Variants in SDHD observed in about 807,000 individuals in gnomAD.
SDHD encodes succinate dehydrogenase [ubiquinone] cytochrome b small subunit, mitochondrial.
SDHD carries 6 observed loss-of-function variants against 18.7 expected under a neutral mutation model. The observed-to-expected ratio is 0.32, with a 90% CI of 0.18 to 0.63. The LOEUF is 0.63. Among genes scored for constraint, SDHD ranks in the 30% least tolerant of loss-of-function variants. SDHD has a pLI of 0.79. For missense variants in SDHD, 160 were observed against 192.7 expected, an observed-to-expected ratio of 0.83 and a Z score of 1.00; for synonymous variants, 56 against 73.9, an observed-to-expected ratio of 0.76 and a Z score of 1.24.
At position 112,095,153 on chromosome 11, in the gene SDHD, T is replaced by C. The variant is rs201804464; in HGVS notation, c.*183T>C. 2 of 643,348 alleles carry C rather than the reference T, an allele frequency of 3.1e-6. No homozygotes were observed. Among genetic ancestry groups the C allele is most frequent in the Admixed American group, 2.3e-5 (1 of 42,840 alleles). The allele number at this position is 643,348 out of a possible 1,614,324, so 39.9% of individuals were successfully genotyped here. On this transcript the variant is annotated 3_prime_UTR_variant, in exon 4 of 4. Transcript: ENST00000375549. ...AGGAAAAGGTTTGAGAGGAATTATA[T>C]CTAAGTTGTGAGACTGAGTTCTATA...
rs750857413 is a variant in SDHD at position 112,094,843 on chromosome 11, A to G, written c.353A>G (p.Asp118Gly). The G allele has an allele frequency of 3.1e-6, 5 of 1,611,796 alleles. No homozygotes were observed. In the East Asian group the frequency reaches 8.9e-5, roughly 29 times the overall value. The part of the protein sequence containing the change: ...GQVVTDYVHG[D>G]ALQKAAKAGL... ...GTTGTTACTGACTATGTTCATGGGG[A>G]TGCCTTGCAGAAAGCTGCCAAGGCA... is the stretch of plus-strand genomic sequence containing the variant. The change falls in exon 4 of 4, where the codon GAT (aspartate) becomes GGT (glycine). Residue 118 changes from aspartate (D) to glycine (G), a missense_variant. Coordinates refer to ENST00000375549, the MANE Select transcript of SDHD (RefSeq NM_003002.4).
At position 112,095,757 on chromosome 11, in the gene SDHD, TAAAA is replaced by T. The variant is rs1865831754; in HGVS notation, c.*788_*791del. ...ATTCTATGAAAATAATTTTTTTAAA[TAAAA>T]TGTTATATAATAAAAGTGTCTTCTA... On this transcript the variant is annotated 3_prime_UTR_variant, in exon 4 of 4. Transcript: ENST00000375549. The T allele has an allele frequency of 4.8e-6, 1 of 207,794 alleles. No individual in the cohort carries two copies. The highest frequency in any genetic ancestry group is 1.9e-4 in the South Asian group (1 of 5,324). 12.9% of individuals were successfully genotyped at this position (207,794 alleles called of 1,614,324 possible).
In SDHD at chr11:112,086,896, C is replaced by G. The variant is rs199955367; in HGVS notation, c.-12C>G. ...CCGGGTTGGTGGATGACCTTGAGCC[C>G]TCAGGAACGAGATGGCGGTTCTCTG... On this transcript the variant is annotated 5_prime_UTR_variant, in exon 1 of 4. Transcript: ENST00000375549. 8 of 1,614,196 alleles carry G rather than the reference C, an allele frequency of 5.0e-6. No individual in the cohort carries two copies. The East Asian group carries it at 1.6e-4, about 31-fold the overall frequency.
rs575947347 is a variant in SDHD, at chr11:112,094,397, C to CAATA, written c.315-383_315-380dup. ...TGGGCAAAAGAGCGAGACTCTGTCT[C>CAATA]AATAAATAAATAAATAAATAAATAA... On this transcript the variant is annotated intron_variant, in intron 3 of 3. Transcript: ENST00000375549. Among the ~76,000 whole-genome samples, 446 of 150,990 alleles carry CAATA rather than the reference C, an allele frequency of 3.0e-3. 1 individual carries two copies. The highest frequency in any genetic ancestry group is 0.014 in the Middle Eastern group (4 of 292).
At position 112,095,618 on chromosome 11, in the gene SDHD, A is replaced by G. The variant is rs201560447; in HGVS notation, c.*648A>G. On this transcript the variant is annotated 3_prime_UTR_variant, in exon 4 of 4. Coordinates refer to ENST00000375549, the MANE Select transcript of SDHD (RefSeq NM_003002.4). ...TCAAAATACTACCAACTGTAAATTG[A>G]GATTTAATTCCCAAATGTATTCTAC... The G allele has an allele frequency of 3.1e-5, 7 of 228,446 alleles. No homozygotes were observed. The South Asian group carries it at 1.1e-3, about 36-fold the overall frequency. The allele number at this position is 228,446 out of a possible 1,614,324, so 14.2% of individuals were successfully genotyped here. A position where few individuals can be genotyped will look rare whatever the true frequency, so the allele number is the denominator to read the frequency against.
intron 3 of SDHD, among the ~76,000 whole-genome samples, 187 bp from the exon 4 acceptor site, chr11:112,094,618 T>G (rs1036584256): frequency 6.6e-6 from 1 of 152,082 alleles, no homozygotes. Flanking sequence ...AGAAATAGAC[T>G]TACTGACATA....
At chr11:112,092,495 A>G in intron 3 of SDHD, among the ~76,000 whole-genome samples, 1 of 152,180 alleles carries the variant, frequency 6.6e-6, no homozygotes, top group South Asian at 2.1e-4. Flanking sequence ...AGATATACAA[A>G]TGGCCAATAA....
At chr11:112,087,084 T>A in intron 1 of SDHD, 125 bp downstream of exon 1, 2 of 1,074,960 alleles carry the variant, frequency 1.9e-6, no homozygotes, top group Non-Finnish European at 2.8e-6. Flanking sequence ...ATCACAGCAA[T>A]GACCACTGTA....
At chr11:112,090,339 G>C (rs1592782029) in intron 3 of SDHD, among the ~76,000 whole-genome samples, 1 of 75,050 alleles carries the variant, frequency 1.3e-5, no homozygotes. Flanking sequence ...TGGAACTCCT[G>C]ACCTCAGGTG....
chr11:112,088,675 A>C (rs1049039919), intron 2 of SDHD, 192 bp from the exon 3 acceptor site: 1 of 674,320 alleles, frequency 1.5e-6, no homozygotes, highest in Non-Finnish European at 2.6e-6. Context: ...GACTTCAAAA[A>C]ACAGAGATAA....
In SDHD at chr11:112,094,969, G is replaced by A. The variant is rs201372601; in HGVS notation, c.479G>A (p.Ter160=). ...GCTGTTGCCATGCTGTGGAAGCTCT[G>A]ACCTTTTTGACTTCATACTTTGAAG... The part of the protein sequence containing the change: ...CKAVAMLWKL[*] The change falls in exon 4 of 4, where the codon TGA becomes TAA. Residue 160 remains the stop codon, a stop_retained_variant. Transcript: ENST00000375549. 4 of 1,610,618 alleles carry A rather than the reference G, an allele frequency of 2.5e-6. No homozygotes were observed. The highest frequency in any genetic ancestry group is 2.7e-5 in the African/African-American group (2 of 74,956).
At chr11:112,093,402 G>A (rs555541197) in intron 3 of SDHD, among the ~76,000 whole-genome samples, 4 of 152,198 alleles carry the variant, frequency 2.6e-5, no homozygotes, top group African/African-American at 7.2e-5. Context: ...TCTAGAACAG[G>A]CAAAGCCATA....
intron 3 of SDHD, 73 bp downstream of exon 3, chr11:112,089,084 T>A: frequency 6.5e-7 from 1 of 1,549,442 alleles, no homozygotes; most frequent in Non-Finnish European, 8.9e-7. Flanking sequence ...GTATTATATA[T>A]GAGGGAGAAG....
intron 3 of SDHD, among the ~76,000 whole-genome samples, chr11:112,092,256 G>GA (rs112699278): frequency 2.2e-4 from 29 of 129,682 alleles, no homozygotes; most frequent in Admixed American, 6.2e-4. Flanking sequence ...AGTAAAAGAA[G>GA]AAAAAAAAAA....
intron 1 of SDHD, 97 bp downstream of exon 1, chr11:112,087,056 G>A: frequency 2.2e-6 from 3 of 1,389,670 alleles, no homozygotes; most frequent in Admixed American, 3.6e-5. Context: ...GATCTCTTGA[G>A]GAGAAGAAAA....
rs755047928 is a variant in SDHD at position 112,088,906 on chromosome 11, G to A, written c.209G>A (p.Arg70Lys). Residue 70 changes from arginine (R) to lysine (K), a missense_variant, in exon 3 of 4, where the codon AGG becomes AAG. Transcript: ENST00000375549. ...GCATCTCTCCACTGGACTAGCGAGA[G>A]GGTTGTCAGTGTTTTGCTCCTGGGT... ...KAASLHWTSE[R>K]VVSVLLLGLL... 3 of 1,612,904 alleles carry A rather than the reference G, an allele frequency of 1.9e-6. No individual in the cohort carries two copies. Among genetic ancestry groups the A allele is most frequent in the South Asian group, 1.1e-5 (1 of 91,014 alleles).
In SDHD at chr11:112,093,728, C is replaced by A. The variant is rs370235321; in HGVS notation, c.315-1077C>A. Among the ~76,000 whole-genome samples the A allele has an allele frequency of 9.9e-5, 15 of 152,234 alleles. No individual in the cohort carries two copies. The South Asian group carries it at 2.7e-3, about 27-fold the overall frequency. Reference sequence around the variant, plus strand: ...ACCTTCAAGACCCTATGCAACCGACCCCTGCCTTCCTCTGATCTCTGCTTC... The same window carrying A: ...ACCTTCAAGACCCTATGCAACCGACACCTGCCTTCCTCTGATCTCTGCTTC... On this transcript the variant is annotated intron_variant, in intron 3 of 3. Coordinates refer to ENST00000375549, the MANE Select transcript of SDHD (RefSeq NM_003002.4).
chr11:112,091,158 A>C, intron 3 of SDHD: 25 of 901,984 alleles, frequency 2.8e-5, no homozygotes, highest in Non-Finnish European at 3.2e-5. Context: ...CTAACATGTC[A>C]TCCCTCTTGA....
intron 3 of SDHD, among the ~76,000 whole-genome samples, chr11:112,091,404 C>A (rs1364544216): frequency 6.6e-6 from 1 of 152,202 alleles, no homozygotes; most frequent in Non-Finnish European, 1.5e-5. Context: ...TTTCCAGATG[C>A]ATAGAAGTCT....
Sources: allele counts gnomAD v4.1 joint callset (sites outside exome capture counted in the v4.1 genomes callset), GRCh38; gene constraint gnomAD v4.1.1; transcripts MANE v1.5; gene names NCBI Gene and HGNC (gene_info 2026-07-23, HGNC 2026-07-21).